Variants in NSD2 observed in about 807,000 individuals in gnomAD.
NSD2 encodes the protein histone-lysine N-methyltransferase NSD2.
NSD2 carries 12 observed loss-of-function variants against 139.0 expected under a neutral mutation model. The ratio of observed to expected loss-of-function variants is 0.09; its 90% CI spans 0.06 to 0.14. The LOEUF (loss-of-function observed/expected upper bound fraction) is 0.14, where lower values mean the gene tolerates loss of function less well. Ranked by LOEUF, NSD2 falls within the 10% of genes least tolerant of loss-of-function variation. NSD2 has a pLI of 1.00. For synonymous variants in NSD2, 669 were observed against 648.7 expected (o/e 1.03, Z -0.48); for missense variants, 1,155 against 1,745.0 (o/e 0.66, Z 6.02).
In NSD2 at chr4:1,974,817, C is replaced by G; in HGVS notation, c.3373-46C>G. The G allele has an allele frequency of 1.2e-6, 2 of 1,609,788 alleles. No individual in the cohort carries two copies. Among genetic ancestry groups the G allele is most frequent in the Non-Finnish European group, 1.7e-6 (2 of 1,176,364 alleles). On this transcript the variant is annotated intron_variant, in intron 18 of 21. Coordinates refer to ENST00000508803, the MANE Select transcript of NSD2 (RefSeq NM_001042424.3). The surrounding 1 kb of genome is among the most constrained non-coding windows in gnomAD (Gnocchi z 4.0). ...TGGTGAAAATTCCCTTTAAAAATAA[C>G]ATGCGATTGCTAACACTTGACCGAA...
At chr4:1,947,527 A>G (rs1723758436) in intron 9 of NSD2, 5 of 1,055,234 alleles carry the variant, frequency 4.7e-6, no homozygotes, top group Non-Finnish European at 5.7e-6. Context: ...CACTTTAATA[A>G]AAATTGTTAT....
chr4:1,886,636 C>T (rs1304894217), intron 1 of NSD2, among the ~76,000 whole-genome samples: 1 of 152,060 alleles, frequency 6.6e-6, no homozygotes, highest in Non-Finnish European at 1.5e-5. Flanking sequence ...TCAAGACCAT[C>T]CTAGCCAACG....
In NSD2 at chr4:1,952,099, C is replaced by T. The variant is rs540518963; in HGVS notation, c.2014-9C>T. ...GGGCGCTGCTTACCCGCCTGCTCTGCCCCCGCAGCTGTGTGAGAAGCCGGG... is the reference window on the plus strand; with the variant it reads ...GGGCGCTGCTTACCCGCCTGCTCTGTCCCCGCAGCTGTGTGAGAAGCCGGG... On this transcript the variant is annotated splice_polypyrimidine_tract_variant and intron_variant, in intron 10 of 21. Transcript: ENST00000508803. 45 of 1,613,334 alleles carry T rather than the reference C, an allele frequency of 2.8e-5. No individual in the cohort carries two copies. The South Asian group carries it at 4.7e-4, about 17-fold the overall frequency.
intron 1 of NSD2, among the ~76,000 whole-genome samples, chr4:1,885,521 C>T (rs978000514): frequency 6.6e-6 from 1 of 152,180 alleles, no homozygotes; most frequent in African/African-American, 2.4e-5. Context: ...GTCTCAGTGG[C>T]CCCTGTTGAC....
chr4:1,936,966 T>C (rs1306300690), intron 7 of NSD2, among the ~76,000 whole-genome samples: 2 of 152,186 alleles, frequency 1.3e-5, no homozygotes, highest in African/African-American at 4.8e-5. Context: ...GATCAAGTGT[T>C]CAGCAGTAAG....
chr4:1,888,688 C>T (rs753141634), intron 1 of NSD2, among the ~76,000 whole-genome samples: 10 of 151,854 alleles, frequency 6.6e-5, no homozygotes, highest in Admixed American at 1.3e-4. Flanking sequence ...CCTCAGCCTC[C>T]GGAGTAGCTG....
chr4:1,953,622 A>G, intron 12 of NSD2, 98 bp downstream of exon 12: 1 of 1,422,790 alleles, frequency 7.0e-7, no homozygotes, highest in East Asian at 2.3e-5. Context: ...ATTGTCACCA[A>G]AGAGCATTAA....
rs564052769 is a variant in NSD2, at chr4:1,981,165, G to T, written c.*2256G>T. ...TTCCAAATTTTATGATTTTTCTGAA[G>T]GAAATAATGCAAACATTTTAAATAT... On this transcript the variant is annotated 3_prime_UTR_variant, in exon 22 of 22. Coordinates refer to ENST00000508803, the MANE Select transcript of NSD2 (RefSeq NM_001042424.3). 1 of 233,242 alleles carries T rather than the reference G, an allele frequency of 4.3e-6. No homozygotes were observed. Among genetic ancestry groups the T allele is most frequent in the East Asian group, 6.0e-5 (1 of 16,586 alleles). The allele number at this position is 233,242 out of a possible 1,614,324, so 14.4% of individuals were successfully genotyped here. A position where few individuals can be genotyped will look rare whatever the true frequency, so the allele number is the denominator to read the frequency against.
intron 1 of NSD2, among the ~76,000 whole-genome samples, chr4:1,878,247 A>AT (rs1714426546): frequency 3.5e-3 from 131 of 37,114 alleles, no homozygotes; most frequent in Middle Eastern, 0.012. Context: ...ATATATATAT[A>AT]TATATTTTTT....
At chr4:1,962,499 G>A (rs949019939) in intron 18 of NSD2, among the ~76,000 whole-genome samples, 1 of 152,144 alleles carries the variant, frequency 6.6e-6, no homozygotes, top group East Asian at 1.9e-4. Context: ...TCAGATATTC[G>A]TAACTTACTT....
In NSD2 at chr4:1,900,618, T is replaced by C; in HGVS notation, c.-29-8T>C. 1 of 1,484,858 alleles carries C rather than the reference T, an allele frequency of 6.7e-7. No individual in the cohort carries two copies. The highest frequency in any genetic ancestry group is 9.0e-7 in the Non-Finnish European group (1 of 1,111,432). The allele number at this position is 1,484,858 out of a possible 1,614,324, so 92.0% of individuals were successfully genotyped here. ...TTTCTTTCTTTTTTCTTTTTTTTAATACCATAGTGTTCTAAGAACGGAAGC... is the reference window on the plus strand; with the variant it reads ...TTTCTTTCTTTTTTCTTTTTTTTAACACCATAGTGTTCTAAGAACGGAAGC... On this transcript the variant is annotated splice_region_variant and splice_polypyrimidine_tract_variant and intron_variant, in intron 1 of 21. Transcript: ENST00000508803.
At chr4:1,908,866 A>G (rs1718289001) in intron 3 of NSD2, among the ~76,000 whole-genome samples, 1 of 152,150 alleles carries the variant, frequency 6.6e-6, no homozygotes, top group African/African-American at 2.4e-5. Flanking sequence ...TCCAGGCTCA[A>G]ACTCCTGGGC....
At chr4:1,930,042 C>T (rs1721451042) in intron 5 of NSD2, among the ~76,000 whole-genome samples, 1 of 152,132 alleles carries the variant, frequency 6.6e-6, no homozygotes, top group Admixed American at 6.5e-5. Flanking sequence ...TAGCATGCTC[C>T]GGGTGCTGAT....
At chr4:1,978,490 A>T in intron 21 of NSD2, 148 bp from the exon 22 acceptor site, 2 of 1,154,120 alleles carry the variant, frequency 1.7e-6, no homozygotes, top group Non-Finnish European at 2.4e-6. Flanking sequence ...GGGCTGTGGT[A>T]GACAGTTTGT....
At chr4:1,889,784 G>A (rs1309158181) in intron 1 of NSD2, among the ~76,000 whole-genome samples, 3 of 152,116 alleles carry the variant, frequency 2.0e-5, no homozygotes, top group Non-Finnish European at 4.4e-5. Flanking sequence ...TGGGATTACA[G>A]GCGTGAGCCA....
At chr4:1,938,625 CT>C (rs2108892476) in intron 8 of NSD2, 93 bp downstream of exon 8, 1 of 1,090,968 alleles carries the variant, frequency 9.2e-7, no homozygotes, top group African/African-American at 1.6e-5. Context: ...AAGGCTGGGG[CT>C]GGTGAAGGGG....
Position 1,982,093 on chromosome 4 carries a change from A to T in NSD2, c.*3184A>T. The T allele has an allele frequency of 2.5e-6, 1 of 397,104 alleles. No individual in the cohort carries two copies. The highest frequency in any genetic ancestry group is 4.4e-6 in the Non-Finnish European group (1 of 225,682). 24.6% of individuals were successfully genotyped at this position (397,104 alleles called of 1,614,324 possible). On this transcript the variant is annotated 3_prime_UTR_variant, in exon 22 of 22. Coordinates refer to ENST00000508803, the MANE Select transcript of NSD2 (RefSeq NM_001042424.3). ...GGGGGAGGGATATACTGAAATAGAG[A>T]GTTGAGACTTGCCAGTTGGGGGAAA...
chr4:1,877,668 A>T, intron 1 of NSD2, among the ~76,000 whole-genome samples: 1 of 150,500 alleles, frequency 6.6e-6, no homozygotes. Context: ...ATCGTCACCC[A>T]CTCCCATTCT....
In NSD2 at chr4:1,955,148, TC is replaced by T; in HGVS notation, c.2339-12del. On this transcript the variant is annotated splice_polypyrimidine_tract_variant and intron_variant, in intron 12 of 21. Coordinates refer to ENST00000508803, the MANE Select transcript of NSD2 (RefSeq NM_001042424.3). This position sits in a 1 kb window ranked among gnomAD's most constrained non-coding sequence, Gnocchi z 4.7. ...GTGTTTGGGGTCCTTAGGGTGTGTT[TC>T]TTTGCCTTCAGGTAAAATGATGCGG... 6.3e-7 allele frequency: 1 copy of T among 1,591,724 alleles called. No individual in the cohort carries two copies. Among genetic ancestry groups the T allele is most frequent in the African/African-American group, 1.3e-5 (1 of 74,700 alleles).
Sources: gnomAD v4.1 joint callset for allele counts (sites outside exome capture counted in the v4.1 genomes callset) on GRCh38, gnomAD v4.1.1 for gene constraint, Gnocchi (gnomAD v3.1) non-coding constraint, MANE v1.5 for transcripts, NCBI Gene and HGNC (gene_info 2026-07-23, HGNC 2026-07-21) for gene names.